Variants in ADA observed in about 807,000 individuals in gnomAD.
ADA encodes the protein adenosine deaminase, also known as adenosine aminohydrolase.
Under a neutral mutation model 49.0 loss-of-function variants are expected in ADA, and 45 were observed. The observed-to-expected ratio is 0.92, with a 90% CI of 0.72 to 1.18. The LOEUF (loss-of-function observed/expected upper bound fraction) is 1.18, where lower values mean the gene tolerates loss of function less well. Ranked by LOEUF, ADA falls within the 50% of genes most tolerant of loss-of-function variation. The probability of loss-of-function intolerance (pLI) is 0.00; values close to 1 mark genes in which losing one functional copy is unlikely to be tolerated. For missense variants in ADA, 445 were observed against 472.5 expected (o/e 0.94, Z 0.54); for synonymous variants, 173 against 184.2 (o/e 0.94, Z 0.49).
Position 44,624,278 on chromosome 20 carries a change from A to G in ADA, c.530T>C (p.Val177Ala). The change falls in exon 6 of 12, where the codon GTG becomes GCG. Residue 177 changes from valine (V) to alanine (A), a missense_variant. Physicochemically the swap from Val to Ala is moderately conservative, Grantham distance 64. Transcript: ENST00000372874. Reference sequence around the variant, plus strand: ...ATCTCCAGCCAGGTCAATGGCTACCACGGTCTGCTGCTGGTACTTCTTACA... The same window carrying G: ...ATCTCCAGCCAGGTCAATGGCTACCGCGGTCTGCTGCTGGTACTTCTTACA... ...ELCKKYQQQT[V>A]VAIDLAGDET... is the part of the protein sequence containing the mutation. 6.2e-7 allele frequency: 1 copy of G among 1,614,002 alleles called. No homozygotes were observed. Among genetic ancestry groups the G allele is most frequent in the Non-Finnish European group, 8.5e-7 (1 of 1,179,958 alleles).
At chr20:44,630,360 A>G (rs988657263) in intron 2 of ADA, among the ~76,000 whole-genome samples, 1 of 152,176 alleles carries the variant, frequency 6.6e-6, no homozygotes, top group African/African-American at 2.4e-5. Flanking sequence ...AAAAAAAGAA[A>G]AAAAAAAGAA....
chr20:44,620,936 A>G (rs1328294177), intron 10 of ADA, 82 bp downstream of exon 10: 38 of 1,596,512 alleles, frequency 2.4e-5, no homozygotes, highest in Non-Finnish European at 3.3e-5. Flanking sequence ...CCTCTCTCCA[A>G]AGATTCCAGG....
intron 1 of ADA, among the ~76,000 whole-genome samples, chr20:44,649,157 C>G (rs1166674362): frequency 6.6e-6 from 1 of 152,102 alleles, no homozygotes; most frequent in Non-Finnish European, 1.5e-5. Context: ...GCCTAGTTAA[C>G]CTCTCTGTGC....
Position 44,623,032 on chromosome 20 carries a change from A to G in ADA, c.653T>C (p.Val218Ala). The G allele has an allele frequency of 6.2e-7, 1 of 1,613,774 alleles. No homozygotes were observed. The highest frequency in any genetic ancestry group is 8.5e-7 in the Non-Finnish European group (1 of 1,179,950). ...GIHRTVHAGE[V>A]GSAEVVKEAV... Reference sequence around the variant, plus strand: ...CTCTTTTACTACTTCGGCCGAGCCCACCTCCCCGGCGTGGACAGTACGGTG... The same window carrying G: ...CTCTTTTACTACTTCGGCCGAGCCCGCCTCCCCGGCGTGGACAGTACGGTG... The change falls in exon 7 of 12, where the codon GTG becomes GCG. Residue 218 changes from valine to alanine, a missense_variant. Transcript: ENST00000372874.
rs111232414 is a variant in ADA at position 44,642,734 on chromosome 20, C to A, written c.34-6446G>T. ...AGGACAGGATGGCAGGAAGCCAGAACAGAAGACCAGCTACTGCGGGAGGGA... is the reference window on the plus strand; with the variant it reads ...AGGACAGGATGGCAGGAAGCCAGAAAAGAAGACCAGCTACTGCGGGAGGGA... On this transcript the variant is annotated intron_variant, in intron 1 of 11. Coordinates refer to ENST00000372874, the MANE Select transcript of ADA (RefSeq NM_000022.4). Among the ~76,000 whole-genome samples, 1,328 of 152,264 alleles carry A rather than the reference C, an allele frequency of 8.7e-3. 21 individuals are homozygous for A. Among genetic ancestry groups the A allele is most frequent in the African/African-American group, 0.029 (1,224 of 41,538 alleles).
chr20:44,645,899 A>G (rs6017376), intron 1 of ADA, among the ~76,000 whole-genome samples: 82 of 152,304 alleles, frequency 5.4e-4, no homozygotes, highest in African/African-American at 1.8e-3. Flanking sequence ...CTCCCTGGTC[A>G]CTAGGAGTGC....
intron 9 of ADA, among the ~76,000 whole-genome samples, chr20:44,621,472 C>T (rs1043856418): frequency 2.0e-5 from 3 of 152,130 alleles, no homozygotes; most frequent in African/African-American, 7.2e-5. Flanking sequence ...CTCCGGCTGC[C>T]ACCCTCTCCA....
At chr20:44,645,991 TAC>T (rs2065588034) in intron 1 of ADA, among the ~76,000 whole-genome samples, 1 of 152,010 alleles carries the variant, frequency 6.6e-6, no homozygotes, top group African/African-American at 2.4e-5. Flanking sequence ...CTTGGGTAAA[TAC>T]AGATTCCAAC....
intron 1 of ADA, among the ~76,000 whole-genome samples, chr20:44,643,596 C>T (rs2065558008): frequency 6.6e-6 from 1 of 152,134 alleles, no homozygotes; most frequent in African/African-American, 2.4e-5. Context: ...GGTGGTAGAG[C>T]TAGGGTGGAA....
chr20:44,630,090 C>T (rs989524442), intron 2 of ADA, among the ~76,000 whole-genome samples: 2 of 151,868 alleles, frequency 1.3e-5, no homozygotes, highest in Admixed American at 6.5e-5. Flanking sequence ...GCCTGTAATC[C>T]CAGCACTTTG....
chr20:44,635,164 T>C (rs963789075), intron 2 of ADA, among the ~76,000 whole-genome samples: 3 of 152,228 alleles, frequency 2.0e-5, no homozygotes, highest in Admixed American at 6.5e-5. Context: ...GGAGCTGCTG[T>C]GAGCCCTTGA....
chr20:44,627,183 C>CTTTT (rs35587028), intron 3 of ADA, among the ~76,000 whole-genome samples: 9 of 140,700 alleles, frequency 6.4e-5, no homozygotes, highest in African/African-American at 2.3e-4. Context: ...ACCACCTTAT[C>CTTTT]TTTTTTTTTT....
chr20:44,651,473 C>G, intron 1 of ADA, 102 bp downstream of exon 1: 2 of 1,181,270 alleles, frequency 1.7e-6, no homozygotes, highest in Non-Finnish European at 2.4e-6. Context: ...CAGGAGCCCC[C>G]GTTCGTTCCC....
chr20:44,634,541 C>T (rs895648333), intron 2 of ADA, among the ~76,000 whole-genome samples: 19 of 152,178 alleles, frequency 1.2e-4, no homozygotes, highest in Admixed American at 1.1e-3. Context: ...CTGTAAATGA[C>T]GGCAATAGAG....
At chr20:44,638,533 C>T (rs972495109) in intron 1 of ADA, among the ~76,000 whole-genome samples, 14 of 152,154 alleles carry the variant, frequency 9.2e-5, no homozygotes, top group Admixed American at 2.0e-4. Context: ...GCCGAGATTA[C>T]GCCACTGCAC....
intron 6 of ADA, among the ~76,000 whole-genome samples, chr20:44,623,749 T>A (rs1304809392): frequency 2.0e-5 from 3 of 149,076 alleles, no homozygotes; most frequent in Non-Finnish European, 4.4e-5. Flanking sequence ...TCTTCTTTCT[T>A]CCTTTTTTTT....
intron 1 of ADA, among the ~76,000 whole-genome samples, chr20:44,649,582 C>CA (rs908593832): frequency 1.3e-5 from 2 of 150,532 alleles, no homozygotes; most frequent in African/African-American, 5.0e-5. Context: ...TGAGCAAGGC[C>CA]AAAAAATGGG....
chr20:44,636,179 G>A (rs1254383752), intron 2 of ADA, 48 bp downstream of exon 2: 1 of 1,522,486 alleles, frequency 6.6e-7, no homozygotes, highest in East Asian at 2.3e-5. Context: ...TGGAGCTGGG[G>A]ACCCCACTCA....
At chr20:44,634,589 T>A (rs1335242011) in intron 2 of ADA, among the ~76,000 whole-genome samples, 4 of 152,212 alleles carry the variant, frequency 2.6e-5, no homozygotes, top group Non-Finnish European at 4.4e-5. Context: ...TTCAATAACT[T>A]AACCCGGGTA....
Sources: gnomAD v4.1 joint callset for allele counts (sites outside exome capture counted in the v4.1 genomes callset) on GRCh38, gnomAD v4.1.1 for gene constraint, MANE v1.5 for transcripts, NCBI Gene and HGNC (gene_info 2026-07-23, HGNC 2026-07-21) for gene names.